Variants in PCNX1 observed in about 807,000 individuals in gnomAD.
PCNX1 encodes pecanex-like protein 1.
Under a neutral mutation model 242.2 loss-of-function variants are expected in PCNX1, and 78 were observed. The observed-to-expected ratio is 0.32, with a 90% CI of 0.27 to 0.39. PCNX1 has a LOEUF of 0.39. PCNX1 is among the 10% of genes least tolerant of loss of function. The pLI, the probability that PCNX1 is intolerant of heterozygous loss-of-function variation, is 1.00. For missense variants in PCNX1, 2,581 were observed against 2,856.5 expected (o/e 0.90, Z 2.20); for synonymous variants, 1,024 against 1,032.9 (o/e 0.99, Z 0.17).
chr14:71,089,790 G>A (rs1320186325), intron 30 of PCNX1, among the ~76,000 whole-genome samples: 7 of 152,110 alleles, frequency 4.6e-5, no homozygotes, highest in Admixed American at 4.6e-4. Flanking sequence ...GAGCTTCCAA[G>A]TTATGTTTCT....
rs370032707 is a variant in PCNX1, at chr14:71,035,572, C to T, written c.3775-493C>T. On this transcript the variant is annotated intron_variant, in intron 18 of 35. Transcript: ENST00000304743. ...GTCAGGAGTTCGAGATCAGCCTGGC[C>T]AACATGGTGAAACCCTGTCTCTACT... Among the ~76,000 whole-genome samples, 475 of 149,482 alleles carry T rather than the reference C, an allele frequency of 3.2e-3. 2 individuals are homozygous for T. Among genetic ancestry groups the T allele is most frequent in the East Asian group, 0.024 (119 of 5,048 alleles).
chr14:70,984,292 T>A (rs931618727), intron 6 of PCNX1, among the ~76,000 whole-genome samples: 1 of 151,562 alleles, frequency 6.6e-6, no homozygotes, highest in Admixed American at 6.6e-5. Flanking sequence ...TAATTGAAAT[T>A]GAGCTACTGC....
intron 1 of PCNX1, among the ~76,000 whole-genome samples, chr14:70,910,563 T>A (rs560672563): frequency 6.6e-6 from 1 of 152,284 alleles, no homozygotes; most frequent in South Asian, 2.1e-4. Context: ...GCTGCTCCAC[T>A]TTTTGCAGGT....
At chr14:71,039,703 C>T (rs752460490) in intron 19 of PCNX1, among the ~76,000 whole-genome samples, 4 of 152,128 alleles carry the variant, frequency 2.6e-5, no homozygotes, top group Non-Finnish European at 5.9e-5. Flanking sequence ...CCTCCATGAT[C>T]GACATCCCTT....
intron 28 of PCNX1, among the ~76,000 whole-genome samples, chr14:71,079,022 C>T (rs941099434): frequency 1.2e-4 from 19 of 152,116 alleles, no homozygotes; most frequent in African/African-American, 4.8e-5. Flanking sequence ...CCGACAGGCC[C>T]CGGTGTGTGA....
chr14:71,106,924 T>C lies in PCNX1; in HGVS notation c.6301+1484T>C, dbSNP rs1230786618. Among the ~76,000 whole-genome samples the C allele has an allele frequency of 2.6e-5, 4 of 152,346 alleles. No homozygotes were observed. The East Asian group carries it at 7.7e-4, about 29-fold the overall frequency. Reference sequence around the variant, plus strand: ...TCTTACTGTGAAGAGTTACTTGCCTTCTTCTGATGAGAAGTCCTTAGTTTT... The same window carrying C: ...TCTTACTGTGAAGAGTTACTTGCCTCCTTCTGATGAGAAGTCCTTAGTTTT... On this transcript the variant is annotated intron_variant, in intron 33 of 35. Coordinates refer to ENST00000304743, the MANE Select transcript of PCNX1 (RefSeq NM_014982.3).
chr14:71,054,948 C>G (rs1342400237), intron 24 of PCNX1, among the ~76,000 whole-genome samples: 1 of 152,166 alleles, frequency 6.6e-6, no homozygotes, highest in East Asian at 1.9e-4. Flanking sequence ...TGCCCAGGCA[C>G]CACAGTCTTA....
chr14:70,930,467 TA>T (rs1308245983), intron 1 of PCNX1, among the ~76,000 whole-genome samples: 5 of 152,204 alleles, frequency 3.3e-5, no homozygotes, highest in African/African-American at 1.2e-4. Flanking sequence ...GTTACCTCCC[TA>T]AGAACAGCAT....
intron 2 of PCNX1, 75 bp from the exon 3 acceptor site, chr14:70,962,151 T>TA (rs2058237575): frequency 7.4e-6 from 7 of 939,830 alleles, no homozygotes; most frequent in Non-Finnish European, 1.2e-5. Flanking sequence ...AAGTATAACT[T>TA]AAAAAATTAA....
intron 30 of PCNX1, among the ~76,000 whole-genome samples, chr14:71,097,719 A>G (rs1216113755): frequency 6.6e-6 from 1 of 152,162 alleles, no homozygotes; most frequent in Non-Finnish European, 1.5e-5. Flanking sequence ...AGTTTCTCCC[A>G]TCCTGTAGGT....
At chr14:71,007,369 A>T (rs148827054) in intron 8 of PCNX1, among the ~76,000 whole-genome samples, 3 of 152,136 alleles carry the variant, frequency 2.0e-5, no homozygotes, top group African/African-American at 7.2e-5. Flanking sequence ...TCACAGATAC[A>T]TATTATTTTT....
At chr14:71,032,485 A>G (rs1485547199) in intron 16 of PCNX1, among the ~76,000 whole-genome samples, 1 of 151,408 alleles carries the variant, frequency 6.6e-6, no homozygotes, top group Non-Finnish European at 1.5e-5. Flanking sequence ...TGGGAAATAC[A>G]AAGATCTAAG....
chr14:70,908,708 G>T (rs943865935), intron 1 of PCNX1, among the ~76,000 whole-genome samples: 1 of 152,260 alleles, frequency 6.6e-6, no homozygotes, highest in African/African-American at 2.4e-5. Context: ...GCCTCCCTGG[G>T]GGGAGGGAGC....
At chr14:70,926,096 A>G (rs935810384) in intron 1 of PCNX1, among the ~76,000 whole-genome samples, 3 of 152,144 alleles carry the variant, frequency 2.0e-5, no homozygotes, top group South Asian at 4.1e-4. Context: ...CCAACATATT[A>G]TGTGAATACA....
Position 71,108,733 on chromosome 14 carries a change from G to A in PCNX1, c.6431G>A (p.Gly2144Glu). ...RHSSLRMSTT[G>E]FVPCRRSSTS... is the part of the protein sequence containing the mutation. ...TCATCCCTCCGGATGTCCACCACTG[G>A]GTTTGTGCCTTGTCGGCGCTCTTCT... Residue 2144 changes from glycine to glutamate, a missense_variant, in exon 34 of 36, where the codon GGG becomes GAG. Transcript: ENST00000304743. 8 of 1,614,200 alleles carry A rather than the reference G, an allele frequency of 5.0e-6. No individual in the cohort carries two copies. Among genetic ancestry groups the A allele is most frequent in the Non-Finnish European group, 5.9e-6 (7 of 1,180,038 alleles).
intron 11 of PCNX1, among the ~76,000 whole-genome samples, chr14:71,014,226 C>A (rs1283800265): frequency 1.3e-5 from 2 of 152,146 alleles, no homozygotes; most frequent in African/African-American, 4.8e-5. Flanking sequence ...CTACTTCACA[C>A]CCACCTAACA....
chr14:71,068,438 A>G (rs958230882), intron 26 of PCNX1, among the ~76,000 whole-genome samples: 1 of 149,142 alleles, frequency 6.7e-6, no homozygotes, highest in African/African-American at 2.4e-5. Context: ...GTATATATGT[A>G]TGTATATGTA....
intron 6 of PCNX1, among the ~76,000 whole-genome samples, chr14:70,979,079 A>AT (rs778377947): frequency 6.6e-6 from 1 of 152,200 alleles, no homozygotes; most frequent in Non-Finnish European, 1.5e-5. Flanking sequence ...AGCCTATTAT[A>AT]TAAGAGTTTT....
At chr14:71,026,942 A>G (rs17108897) in intron 15 of PCNX1, 60 bp downstream of exon 15, 71,255 of 724,194 alleles carry the variant, frequency 0.098, 4,670 homozygotes, top group Admixed American at 0.22. Flanking sequence ...TCATGAAGTA[A>G]TAAACTGACC....
Sources: allele counts gnomAD v4.1 joint callset (sites outside exome capture counted in the v4.1 genomes callset), GRCh38; gene constraint gnomAD v4.1.1; transcripts MANE v1.5; gene names NCBI Gene and HGNC (gene_info 2026-07-23, HGNC 2026-07-21).